SLC4A8: variants seen among roughly 807,000 people sequenced by gnomAD.
SLC4A8 encodes the protein electroneutral sodium bicarbonate exchanger 1.
SLC4A8 carries 40 observed loss-of-function variants against 125.0 expected under a neutral mutation model. That is an observed-to-expected ratio of 0.32 (90% CI 0.25 to 0.42). The LOEUF is 0.42. Ranked by LOEUF, SLC4A8 falls within the 10% of genes least tolerant of loss-of-function variation. SLC4A8 has a pLI of 1.00. For missense variants in SLC4A8, 863 were observed against 1,355.1 expected, an observed-to-expected ratio of 0.64 and a Z score of 5.70; for synonymous variants, 456 against 476.0, an observed-to-expected ratio of 0.96 and a Z score of 0.55.
intron 1 of SLC4A8, among the ~76,000 whole-genome samples, chr12:51,413,290 G>A (rs2137975945): frequency 6.6e-6 from 1 of 152,182 alleles, no homozygotes; most frequent in South Asian, 2.1e-4. Context: ...TTGCTGTTGA[G>A]TTCTTTATAT....
intron 4 of SLC4A8, among the ~76,000 whole-genome samples, chr12:51,453,065 G>A (rs1296260631): frequency 2.0e-5 from 3 of 152,114 alleles, no homozygotes; most frequent in East Asian, 1.9e-4. Context: ...TTCCATCTTG[G>A]CAAACTTCTA....
rs184057364 is a variant in SLC4A8 at position 51,413,956 on chromosome 12, C to T, written c.-112+22468C>T. ...ACGATTATTTTTTCTATTTCTGTGA[C>T]GAATGTCTTTGGTATTTTTATAGGG... On this transcript the variant is annotated intron_variant, in intron 1 of 24. Coordinates refer to the SLC4A8 transcript ENST00000358657. Among the ~76,000 whole-genome samples the T allele has an allele frequency of 1.4e-3, 207 of 152,082 alleles. 3 individuals carry two copies. The highest frequency in any genetic ancestry group is 0.012 in the Admixed American group (189 of 15,260).
chr12:51,462,200 G>A (rs2271149), intron 9 of SLC4A8, 110 bp from the exon 10 acceptor site: 535,011 of 1,006,922 alleles, frequency 0.53, 143,144 homozygotes, highest in African/African-American at 0.58. Context: ...TCAGATCCCC[G>A]TGACAGAGAT....
intron 1 of SLC4A8, chr12:51,392,072 C>G (rs1252893747): frequency 6.6e-6 from 1 of 152,416 alleles, no homozygotes; most frequent in African/African-American, 2.4e-5. Context: ...CATTTGTGCT[C>G]CATCCAACAA....
intron 6 of SLC4A8, among the ~76,000 whole-genome samples, chr12:51,458,263 A>AT (rs1463290906): frequency 3.3e-5 from 5 of 152,166 alleles, no homozygotes; most frequent in African/African-American, 1.2e-4. Flanking sequence ...AAAGTTTTCC[A>AT]TAGGGGTCTC....
intron 18 of SLC4A8, 108 bp downstream of exon 18, chr12:51,488,968 G>C (rs1951232093): frequency 1.3e-6 from 1 of 751,930 alleles, no homozygotes; most frequent in African/African-American, 1.8e-5. Flanking sequence ...TCATAGAAGA[G>C]GTTCATAAGG....
intron 10 of SLC4A8, among the ~76,000 whole-genome samples, 198 bp from the exon 11 acceptor site, chr12:51,463,413 GTGT>G (rs1565795407): frequency 9.5e-4 from 40 of 42,130 alleles, no homozygotes; most frequent in East Asian, 2.2e-3. Context: ...ATTATGGGGT[GTGT>G]GTGTGTGTGT....
intron 1 of SLC4A8, among the ~76,000 whole-genome samples, chr12:51,400,196 A>G (rs1427643511): frequency 2.0e-5 from 3 of 152,214 alleles, no homozygotes; most frequent in Non-Finnish European, 4.4e-5. Context: ...AGAGATCAGG[A>G]GGAAAGACTG....
At chr12:51,449,730 A>G (rs1949902167) in intron 2 of SLC4A8, among the ~76,000 whole-genome samples, 1 of 152,212 alleles carries the variant, frequency 6.6e-6, no homozygotes, top group South Asian at 2.1e-4. Flanking sequence ...ATCTGGATCA[A>G]AACAAAAGCA....
chr12:51,450,928 T>G lies in SLC4A8; in HGVS notation c.183T>G (p.His61Gln), dbSNP rs778168243. The change falls in exon 3 of 25, where the codon CAT becomes CAG. Residue 61 changes from histidine (H) to glutamine (Q), a missense_variant. Physicochemically the swap from His to Gln is conservative, Grantham distance 24 (BLOSUM62 0). This residue lies in a region of SLC4A8 where 104 missense variants were observed against 116.4 expected (regional missense o/e 0.89). Coordinates refer to ENST00000453097, the MANE Select transcript of SLC4A8 (RefSeq NM_001039960.3). ...GGATGCCGCTTGGCCGGCAGAGCCATCGGCATCACCGCACTCATGGCCAGA... is the reference window on the plus strand; with the variant it reads ...GGATGCCGCTTGGCCGGCAGAGCCAGCGGCATCACCGCACTCATGGCCAGA... ...GVRMPLGRQS[H>Q]RHHRTHGQKH... is the part of the protein sequence containing the mutation. 1 of 1,611,254 alleles carries G rather than the reference T, an allele frequency of 6.2e-7. No individual in the cohort carries two copies. The highest frequency in any genetic ancestry group is 8.5e-7 in the Non-Finnish European group (1 of 1,178,524).
At chr12:51,431,181 T>G (rs1287340656) in intron 1 of SLC4A8, among the ~76,000 whole-genome samples, 2 of 152,250 alleles carry the variant, frequency 1.3e-5, no homozygotes, top group African/African-American at 4.8e-5. Flanking sequence ...CACATTTTTC[T>G]CTGACTCTAG....
upstream of SLC4A8, among the ~76,000 whole-genome samples, chr12:51,424,063 C>CT (rs1948874892): frequency 9.3e-6 from 1 of 107,056 alleles, no homozygotes; most frequent in Non-Finnish European, 1.8e-5. Context: ...ACAAAAAAAA[C>CT]AACAAAAAAA....
At chr12:51,408,161 G>A (rs1948526844) in intron 1 of SLC4A8, among the ~76,000 whole-genome samples, 1 of 152,138 alleles carries the variant, frequency 6.6e-6, no homozygotes, top group African/African-American at 2.4e-5. Context: ...ATATTCTTAG[G>A]TACTGGGGGC....
chr12:51,411,348 G>A (rs1304636276), intron 1 of SLC4A8, among the ~76,000 whole-genome samples: 1 of 152,054 alleles, frequency 6.6e-6, no homozygotes, highest in African/African-American at 2.4e-5. Context: ...AGCACTTTGG[G>A]AGGCTGAGGT....
intron 12 of SLC4A8, 106 bp from the exon 13 acceptor site, chr12:51,470,286 A>C: frequency 1.1e-6 from 1 of 949,708 alleles, no homozygotes; most frequent in Non-Finnish European, 1.6e-6. Flanking sequence ...AATACAAGCA[A>C]ATGGCCATCA....
At position 51,453,706 on chromosome 12, in the gene SLC4A8, T is replaced by A. The variant is rs1424167396; in HGVS notation, c.574+7T>A. On this transcript the variant is annotated splice_region_variant and intron_variant, in intron 5 of 24. Transcript: ENST00000453097. ...AGCATAGAAGAAATTTCAGGTAAGG[T>A]TGGGGAAGGGAAAACAGAGCAACTT... The A allele has an allele frequency of 1.2e-6, 2 of 1,608,966 alleles. No individual in the cohort carries two copies. Among genetic ancestry groups the A allele is most frequent in the Admixed American group, 1.7e-5 (1 of 59,334 alleles).
At chr12:51,457,566 CT>C in intron 6 of SLC4A8, 27 bp downstream of exon 6, 1 of 1,590,886 alleles carries the variant, frequency 6.3e-7, no homozygotes, top group Non-Finnish European at 8.6e-7. Context: ...ATTTTTCTCT[CT>C]TTATTAATAA....
In SLC4A8 at chr12:51,512,060, G is replaced by C. The variant is rs928734351; in HGVS notation, c.*4622G>C. On this transcript the variant is annotated 3_prime_UTR_variant, in exon 25 of 25. Transcript: ENST00000453097. ...ATCCGGGATTGTTGGAATTTTGCATGTGTCTGTTCCATATCCCGCTGGTAA... is the reference window on the plus strand; with the variant it reads ...ATCCGGGATTGTTGGAATTTTGCATCTGTCTGTTCCATATCCCGCTGGTAA... The C allele has an allele frequency of 1.3e-5, 2 of 152,216 alleles. No individual in the cohort carries two copies. The highest frequency in any genetic ancestry group is 2.9e-5 in the Non-Finnish European group (2 of 68,036). 9.4% of individuals were successfully genotyped at this position (152,216 alleles called of 1,614,324 possible).
At chr12:51,418,934 C>T (rs906057351) in intron 1 of SLC4A8, among the ~76,000 whole-genome samples, 21 of 152,008 alleles carry the variant, frequency 1.4e-4, no homozygotes, top group Admixed American at 9.8e-4. Context: ...CTTTCCAAAG[C>T]GGAAATTATG....
Sources: gnomAD v4.1 joint callset for allele counts (sites outside exome capture counted in the v4.1 genomes callset) on GRCh38, gnomAD v4.1.1 for gene constraint, gnomAD v4.1.1 regional missense constraint, MANE v1.5 for transcripts, NCBI Gene and HGNC (gene_info 2026-07-23, HGNC 2026-07-21) for gene names.